The following RAB20 variants were observed in gnomAD, a reference collection of about 807,000 sequenced individuals.
RAB20 encodes ras-related protein Rab-20.
RAB20 carries 2 observed loss-of-function variants against 3.7 expected under a neutral mutation model. The ratio of observed to expected loss-of-function variants is 0.54; its 90% CI spans 0.22 to 1.69. The LOEUF (loss-of-function observed/expected upper bound fraction) is 1.69, where lower values mean the gene tolerates loss of function less well. Ranked by LOEUF, RAB20 falls within the 40% of genes most tolerant of loss-of-function variation. The pLI is 0.19. For synonymous variants in RAB20, 126 were observed against 130.8 expected (o/e 0.96, Z 0.25); for missense variants, 276 against 311.9 (o/e 0.88, Z 0.87).
chr13:110,537,955 C>T (rs924786866), intron 1 of RAB20, among the ~76,000 whole-genome samples: 1 of 152,150 alleles, frequency 6.6e-6, no homozygotes, highest in Non-Finnish European at 1.5e-5. Context: ...GCTTCAGGTC[C>T]TCCACCAGGA....
intron 1 of RAB20, among the ~76,000 whole-genome samples, chr13:110,546,693 A>G (rs186764572): frequency 7.1e-6 from 1 of 140,112 alleles, no homozygotes; most frequent in African/African-American, 2.5e-5. Context: ...GTACAAGCTG[A>G]ACTTCTGTTT....
intron 1 of RAB20, among the ~76,000 whole-genome samples, chr13:110,541,155 A>G (rs1884755079): frequency 6.6e-6 from 1 of 152,082 alleles, no homozygotes; most frequent in African/African-American, 2.4e-5. Context: ...TGATCTTTTC[A>G]CACCTCACCA....
intron 1 of RAB20, among the ~76,000 whole-genome samples, chr13:110,551,426 GC>G (rs2139588454): frequency 6.6e-6 from 1 of 152,314 alleles, no homozygotes; most frequent in African/African-American, 2.4e-5. Flanking sequence ...GTACATCAGG[GC>G]TCAAGTGCCA....
chr13:110,530,834 C>T (rs1884526057), intron 1 of RAB20, among the ~76,000 whole-genome samples: 1 of 152,230 alleles, frequency 6.6e-6, no homozygotes, highest in Admixed American at 6.5e-5. Context: ...GGAGGCAGGT[C>T]CCACCAGGTT....
rs535979395 is a variant in RAB20, at chr13:110,546,782, G to A, written c.172+14566C>T. Among the ~76,000 whole-genome samples the A allele has an allele frequency of 2.6e-5, 4 of 151,702 alleles. No individual in the cohort carries two copies. In the South Asian group the frequency reaches 8.3e-4, roughly 32 times the overall value. ...AGACAGGGTCTCACTCTGTTGCCCA[G>A]GCTGGAGTGCAGTGGTGCAGTCACA... On this transcript the variant is annotated intron_variant, in intron 1 of 1. Coordinates refer to ENST00000267328, the MANE Select transcript of RAB20 (RefSeq NM_017817.3).
Position 110,523,349 on chromosome 13 carries a change from AG to A in RAB20, c.*315del. The A allele has an allele frequency of 1.9e-6, 1 of 522,686 alleles. No individual in the cohort carries two copies. Among genetic ancestry groups the A allele is most frequent in the Non-Finnish European group, 3.3e-6 (1 of 302,656 alleles). The allele number at this position is 522,686 out of a possible 1,614,324, so 32.4% of individuals were successfully genotyped here. ...GCAGGCTTCTGCCTCTGCAAGGGCA[AG>A]GGGGCCGTTGGTGGCTGGCTGCAAA... On this transcript the variant is annotated 3_prime_UTR_variant, in exon 2 of 2. Coordinates refer to ENST00000267328, the MANE Select transcript of RAB20 (RefSeq NM_017817.3).
chr13:110,527,511 G>T (rs1199890844), intron 1 of RAB20, among the ~76,000 whole-genome samples: 1 of 152,186 alleles, frequency 6.6e-6, no homozygotes, highest in African/African-American at 2.4e-5. Flanking sequence ...AGAGCTACCC[G>T]GGTCACCTCC....
Position 110,548,032 on chromosome 13 carries a change from G to C in RAB20, c.172+13316C>G, listed in dbSNP as rs79797686. On this transcript the variant is annotated intron_variant, in intron 1 of 1. Coordinates refer to ENST00000267328, the MANE Select transcript of RAB20 (RefSeq NM_017817.3). ...TACCACCAGAGCAACTCCTTATGCC[G>C]TCAAGGCTCTTAGTAATAAAATTGA... is the stretch of plus-strand genomic sequence containing the variant. Among the ~76,000 whole-genome samples, 954 of 152,250 alleles carry C rather than the reference G, an allele frequency of 6.3e-3. 6 individuals are homozygous for C. The highest frequency in any genetic ancestry group is 0.017 in the Middle Eastern group (5 of 294).
At position 110,546,903 on chromosome 13, in the gene RAB20, AT is replaced by A. The variant is rs200826877; in HGVS notation, c.172+14444del. On this transcript the variant is annotated intron_variant, in intron 1 of 1. Coordinates refer to ENST00000267328, the MANE Select transcript of RAB20 (RefSeq NM_017817.3). The stretch of plus-strand genomic sequence containing the variant: ...CAGGTGTGCACCACCATGCCTGGCA[AT>A]TTTTTTTCAATTCTTAGTAGAGACA... Among the ~76,000 whole-genome samples the A allele has an allele frequency of 2.0e-3, 295 of 151,128 alleles. 1 individual carries two copies. The highest frequency in any genetic ancestry group is 6.9e-3 in the African/African-American group (285 of 41,128).
At chr13:110,524,237 A>T in intron 1 of RAB20, 40 bp from the exon 2 acceptor site, 2 of 1,530,430 alleles carry the variant, frequency 1.3e-6, no homozygotes, top group Non-Finnish European at 1.7e-6. Flanking sequence ...GTTATCTCTC[A>T]TCTCAGAACA....
intron 1 of RAB20, among the ~76,000 whole-genome samples, chr13:110,536,577 G>A (rs1039244964): frequency 1.1e-4 from 16 of 152,082 alleles, no homozygotes; most frequent in Non-Finnish European, 1.9e-4. Flanking sequence ...GGATGGGCCG[G>A]AGAACACTGA....
intron 1 of RAB20, among the ~76,000 whole-genome samples, chr13:110,534,818 A>G (rs965349733): frequency 6.6e-6 from 1 of 152,226 alleles, no homozygotes; most frequent in African/African-American, 2.4e-5. Context: ...CGAAGAGCAG[A>G]AGACATATCC....
intron 1 of RAB20, among the ~76,000 whole-genome samples, chr13:110,539,564 G>T (rs9301461): frequency 0.17 from 15,401 of 90,122 alleles, 2,626 homozygotes; most frequent in African/African-American, 0.44. Flanking sequence ...TGGGTTTTTT[G>T]TTTTTTTTTT....
rs773758885 is a variant in RAB20, at chr13:110,539,693, G to A, written c.173-15496C>T. Among the ~76,000 whole-genome samples, 6 of 151,660 alleles carry A rather than the reference G, an allele frequency of 4.0e-5. No individual in the cohort carries two copies. In the South Asian group the frequency reaches 6.2e-4, roughly 16 times the overall value. ...TCTTGCCTCTGCCTCCCAAGTAACC[G>A]GGATTACAGGCACCCGCCACCACGC... On this transcript the variant is annotated intron_variant, in intron 1 of 1. Coordinates refer to ENST00000267328, the MANE Select transcript of RAB20 (RefSeq NM_017817.3).
chr13:110,538,238 C>CAAA (rs570075617), intron 1 of RAB20, among the ~76,000 whole-genome samples: 29 of 78,466 alleles, frequency 3.7e-4, no homozygotes, highest in Non-Finnish European at 5.8e-4. Context: ...GACCTTGTCT[C>CAAA]AAAAAAAAAA....
rs1884387480 is a variant in RAB20 at position 110,524,131 on chromosome 13, T to C, written c.239A>G (p.Tyr80Cys). 4 of 1,611,138 alleles carry C rather than the reference T, an allele frequency of 2.5e-6. No individual in the cohort carries two copies. Among genetic ancestry groups the C allele is most frequent in the South Asian group, 1.1e-5 (1 of 91,078 alleles). The change falls in exon 2 of 2, where the codon TAT (tyrosine) becomes TGT (cysteine). Residue 80 changes from tyrosine to cysteine, a missense_variant. Tyr to Cys is a radical substitution (Grantham distance 194, BLOSUM62 -2). Coordinates refer to ENST00000267328, the MANE Select transcript of RAB20 (RefSeq NM_017817.3). The stretch of plus-strand genomic sequence containing the variant: ...CAGGCTCTGCCGGTGATTCACATCA[T>C]AGGTGAGGATGATGGCGGCCGCCCC... ...CRGAAAIILT[Y>C]DVNHRQSLVE...
intron 1 of RAB20, among the ~76,000 whole-genome samples, chr13:110,527,651 G>A (rs745437677): frequency 1.6e-4 from 25 of 152,084 alleles, no homozygotes; most frequent in Admixed American, 3.3e-4. Flanking sequence ...GCCTACCAGG[G>A]GTCAGCTTCA....
intron 1 of RAB20, among the ~76,000 whole-genome samples, chr13:110,527,679 G>A (rs769178687): frequency 9.9e-5 from 15 of 152,044 alleles, no homozygotes; most frequent in African/African-American, 1.4e-4. Flanking sequence ...AAGTCAATCC[G>A]TTTCCAGTCA....
At chr13:110,553,476 C>T (rs2139589774) in intron 1 of RAB20, among the ~76,000 whole-genome samples, 1 of 152,300 alleles carries the variant, frequency 6.6e-6, no homozygotes, top group South Asian at 2.1e-4. Context: ...CAAATGTTTT[C>T]CGCAAAGGGC....
Sources: allele counts gnomAD v4.1 joint callset (sites outside exome capture counted in the v4.1 genomes callset), GRCh38; gene constraint gnomAD v4.1.1; transcripts MANE v1.5; gene names NCBI Gene and HGNC (gene_info 2026-07-23, HGNC 2026-07-21).